Variants in SOAT1 observed in about 807,000 individuals in gnomAD.
SOAT1 encodes sterol O-acyltransferase 1, also known as acyl-coenzyme A:cholesterol acyltransferase 1.
A neutral mutation model predicts 69.5 loss-of-function variants in SOAT1; 55 were observed. The ratio of observed to expected loss-of-function variants is 0.79; its 90% CI spans 0.64 to 0.99. SOAT1 has a LOEUF of 0.99. Among genes scored for constraint, SOAT1 ranks in the 50% least tolerant of loss-of-function variants. The pLI, the probability that SOAT1 is intolerant of heterozygous loss-of-function variation, is 0.00. For synonymous variants in SOAT1, 231 were observed against 224.7 expected, an observed-to-expected ratio of 1.03 and a Z score of -0.25; for missense variants, 580 against 669.3, an observed-to-expected ratio of 0.87 and a Z score of 1.47.
intron 1 of SOAT1, 30 bp from the exon 2 acceptor site, chr1:179,302,647 T>C: frequency 1.4e-6 from 2 of 1,453,760 alleles, no homozygotes; most frequent in Non-Finnish European, 1.9e-6. Flanking sequence ...AACGGACTAA[T>C]ACGAAAGCTT....
chr1:179,334,404 A>G (rs1457403879), intron 3 of SOAT1, among the ~76,000 whole-genome samples: 1 of 152,212 alleles, frequency 6.6e-6, no homozygotes, highest in Non-Finnish European at 1.5e-5. Flanking sequence ...TTCAAGGAAT[A>G]TAGTGACTTA....
chr1:179,345,663 G>A (rs1666506717), intron 11 of SOAT1, among the ~76,000 whole-genome samples: 1 of 151,918 alleles, frequency 6.6e-6, no homozygotes, highest in Admixed American at 6.6e-5. Flanking sequence ...GGGCTCGAGT[G>A]ATCCTCTCGC....
rs1664876203 is a variant in SOAT1 at position 179,302,768 on chromosome 1, C to A, written c.84C>A (p.Asn28Lys). 2.5e-6 allele frequency: 4 copies of A among 1,605,334 alleles called. No individual in the cohort carries two copies. Among genetic ancestry groups the A allele is most frequent in the South Asian group, 1.1e-5 (1 of 89,646 alleles). Residue 28 changes from asparagine to lysine, a missense_variant, in exon 2 of 16, where the codon AAC becomes AAA. By Grantham distance (94) the Asn-to-Lys change is moderately conservative. Coordinates refer to ENST00000367619, the MANE Select transcript of SOAT1 (RefSeq NM_003101.6). ...ENPEEDEDQRNPAKESLETPS... is the reference protein window; with the variant it reads ...ENPEEDEDQRKPAKESLETPS... The stretch of plus-strand genomic sequence containing the variant: ...CTGAGGAAGATGAAGACCAGAGAAA[C>A]CCTGCAAAGGAGTCCCTAGAGACAC...
chr1:179,333,093 A>G (rs981133747), intron 3 of SOAT1, among the ~76,000 whole-genome samples: 3 of 152,218 alleles, frequency 2.0e-5, no homozygotes, highest in Non-Finnish European at 4.4e-5. Context: ...CAATAAAAGG[A>G]CTAAATGATA....
intron 5 of SOAT1, among the ~76,000 whole-genome samples, chr1:179,338,926 T>C (rs1666244012): frequency 6.6e-6 from 1 of 152,140 alleles, no homozygotes; most frequent in African/African-American, 2.4e-5. Context: ...TTTAAAAACC[T>C]GTTTTAGTCA....
rs1666256938 is a variant in SOAT1, at chr1:179,339,431, T to C, written c.390-7T>C. The C allele has an allele frequency of 6.4e-7, 1 of 1,571,290 alleles. No individual in the cohort carries two copies. Among genetic ancestry groups the C allele is most frequent in the Non-Finnish European group, 8.6e-7 (1 of 1,156,558 alleles). On this transcript the variant is annotated splice_polypyrimidine_tract_variant and splice_region_variant and intron_variant, in intron 5 of 15. Coordinates refer to ENST00000367619, the MANE Select transcript of SOAT1 (RefSeq NM_003101.6). ...ATTAACTTGTTTTGTTTGAACTACA[T>C]TTACAGTGAACTGCTTGAAGTGGAC...
chr1:179,347,569 A>T (rs1258995048), intron 11 of SOAT1, 31 bp from the exon 12 acceptor site: 1 of 1,292,326 alleles, frequency 7.7e-7, no homozygotes, highest in African/African-American at 1.5e-5. Context: ...CTATTTGGAA[A>T]GACTGTTAAT....
At chr1:179,299,996 C>T (rs997944637) in intron 1 of SOAT1, among the ~76,000 whole-genome samples, 4 of 150,824 alleles carry the variant, frequency 2.7e-5, no homozygotes, top group Non-Finnish European at 4.4e-5. Flanking sequence ...CTCCTGACTT[C>T]ATGATCTGCC....
At chr1:179,339,566 G>A in intron 6 of SOAT1, 21 bp downstream of exon 6, 2 of 1,515,946 alleles carry the variant, frequency 1.3e-6, no homozygotes. Flanking sequence ...AAAAAAGATG[G>A]CTGGCTAGTT....
At chr1:179,309,989 TCC>T (rs1665166246) in intron 2 of SOAT1, among the ~76,000 whole-genome samples, 1 of 152,094 alleles carries the variant, frequency 6.6e-6, no homozygotes. Flanking sequence ...AGCCTCTGCC[TCC>T]CGGGTTCAAG....
intron 2 of SOAT1, among the ~76,000 whole-genome samples, chr1:179,304,395 A>G (rs1664935486): frequency 6.6e-6 from 1 of 151,140 alleles, no homozygotes; most frequent in Admixed American, 6.6e-5. Context: ...CTCCTGCTTC[A>G]GCCTCCCAAG....
chr1:179,329,016 AG>A (rs1414528594), intron 3 of SOAT1, among the ~76,000 whole-genome samples: 1 of 148,746 alleles, frequency 6.7e-6, no homozygotes, highest in Admixed American at 6.9e-5. Flanking sequence ...ACTGCACTCC[AG>A]CCTGGGTGAT....
intron 2 of SOAT1, among the ~76,000 whole-genome samples, chr1:179,320,909 ATT>A (rs573309798): frequency 6.4e-5 from 9 of 140,282 alleles, no homozygotes; most frequent in East Asian, 2.1e-4. Flanking sequence ...AAATTTTTGT[ATT>A]TTTTTTTTTT....
At chr1:179,307,461 A>G (rs1424536774) in intron 2 of SOAT1, among the ~76,000 whole-genome samples, 2 of 152,184 alleles carry the variant, frequency 1.3e-5, no homozygotes, top group Admixed American at 1.3e-4. Context: ...CTGTATCAAC[A>G]TCTTCTATGT....
intron 13 of SOAT1, among the ~76,000 whole-genome samples, chr1:179,349,668 G>A (rs1438377226): frequency 6.6e-6 from 1 of 152,092 alleles, no homozygotes; most frequent in Non-Finnish European, 1.5e-5. Context: ...TGTGGATTTT[G>A]TATCTCTCCA....
chr1:179,351,297 T>G lies in SOAT1; in HGVS notation c.1451-20T>G. 6.2e-7 allele frequency: 1 copy of G among 1,612,346 alleles called. No individual in the cohort carries two copies. The highest frequency in any genetic ancestry group is 1.1e-5 in the South Asian group (1 of 90,994). On this transcript the variant is annotated intron_variant, in intron 14 of 15. Coordinates refer to ENST00000367619, the MANE Select transcript of SOAT1 (RefSeq NM_003101.6). ...GACCTCTGATAACTGTATATTTCTT[T>G]GTTGCCTTCCTATTTTTAGTGGCTT... is the stretch of plus-strand genomic sequence containing the variant.
chr1:179,333,410 A>AAG, intron 3 of SOAT1, among the ~76,000 whole-genome samples: 1 of 151,150 alleles, frequency 6.6e-6, no homozygotes. Flanking sequence ...AAAAAAAAAA[A>AAG]CAAAGTCTTG....
intron 3 of SOAT1, among the ~76,000 whole-genome samples, chr1:179,323,722 C>T (rs1665685757): frequency 6.6e-6 from 1 of 152,128 alleles, no homozygotes; most frequent in East Asian, 1.9e-4. Context: ...CTGTCTCTTA[C>T]CAGCAAATCT....
chr1:179,346,626 TCCATGTCACTATGTTAA>T (rs1666542540), intron 11 of SOAT1, among the ~76,000 whole-genome samples: 1 of 152,242 alleles, frequency 6.6e-6, no homozygotes, highest in Non-Finnish European at 1.5e-5. Context: ...TAGAATGTTA[TCCATGTCACTATGTTAA>T]CCATGTCACT....
Sources: gnomAD v4.1 joint callset for allele counts (sites outside exome capture counted in the v4.1 genomes callset) on GRCh38, gnomAD v4.1.1 for gene constraint, MANE v1.5 for transcripts, NCBI Gene and HGNC (gene_info 2026-07-23, HGNC 2026-07-21) for gene names.